ARFIP1: variants seen among roughly 807,000 people sequenced by gnomAD.
ARFIP1 encodes the protein ARF interacting protein 1.
Under a neutral mutation model 42.5 loss-of-function variants are expected in ARFIP1, and 24 were observed. The ratio of observed to expected loss-of-function variants is 0.57; its 90% CI spans 0.41 to 0.80. The LOEUF (loss-of-function observed/expected upper bound fraction) is 0.80, where lower values mean the gene tolerates loss of function less well. ARFIP1 is among the 30% of genes least tolerant of loss of function. The pLI is 0.00. For synonymous variants in ARFIP1, 141 were observed against 153.7 expected (o/e 0.92, Z 0.61); for missense variants, 354 against 434.0 (o/e 0.82, Z 1.64).
chr4:152,804,845 A>G (rs939434196), intron 1 of ARFIP1, among the ~76,000 whole-genome samples: 60 of 152,156 alleles, frequency 3.9e-4, no homozygotes, highest in African/African-American at 1.4e-3. Flanking sequence ...GTACTCATTA[A>G]ATGCTAGCTC....
intron 1 of ARFIP1, among the ~76,000 whole-genome samples, chr4:152,780,637 G>C (rs1730432092): frequency 6.6e-6 from 1 of 152,144 alleles, no homozygotes; most frequent in African/African-American, 2.4e-5. Context: ...TCCCGCAGTG[G>C]GAGGAAGGGA....
intron 2 of ARFIP1, among the ~76,000 whole-genome samples, chr4:152,845,901 A>G (rs1359255863): frequency 1.3e-5 from 2 of 152,258 alleles, no homozygotes; most frequent in Non-Finnish European, 2.9e-5. Flanking sequence ...TTGTATGTTC[A>G]TCAGAGTGCT....
At chr4:152,908,891 AGTGTGTGT>A (rs58362465) in intron 8 of ARFIP1, among the ~76,000 whole-genome samples, 3,058 of 132,440 alleles carry the variant, frequency 0.023, 39 homozygotes, top group East Asian at 0.04. Context: ...GCTAGAGAGA[AGTGTGTGT>A]GTGTGTGTGT....
intron 8 of ARFIP1, among the ~76,000 whole-genome samples, chr4:152,902,542 A>G (rs56352091): frequency 0.47 from 71,121 of 151,842 alleles, 18,799 homozygotes; most frequent in Non-Finnish European, 0.61. Context: ...CAGAGTAGAT[A>G]TAAGGGTAAT....
intron 3 of ARFIP1, 148 bp downstream of exon 3, chr4:152,863,862 T>C (rs1734097662): frequency 1.9e-6 from 1 of 524,888 alleles, no homozygotes; most frequent in African/African-American, 1.9e-5. Context: ...TTCTCTTCAA[T>C]TTAAGTAATA....
At chr4:152,796,074 A>C in intron 1 of ARFIP1, 1 of 735,284 alleles carries the variant, frequency 1.4e-6, no homozygotes, top group Non-Finnish European at 2.6e-6. Flanking sequence ...CAAACCAGTA[A>C]GACTGCATTT....
In ARFIP1 at chr4:152,870,820, G is replaced by A; in HGVS notation, c.270G>A (p.Gln90=). ...GGGTTGCAGCTAGTCGACTGGCTCA[G>A]CAAGGAAGTGATTTAATTGTTCCTG... ...PSRVAASRLA[Q]QGSDLIVPAG... is the part of the protein sequence containing the mutation. The change falls in exon 4 of 9, where the codon CAG becomes CAA. Residue 90 remains glutamine (Q), a synonymous_variant. Coordinates refer to ENST00000353617, the MANE Select transcript of ARFIP1 (RefSeq NM_001025595.3). 6.2e-7 allele frequency: 1 copy of A among 1,613,950 alleles called. No homozygotes were observed. Among genetic ancestry groups the A allele is most frequent in the Non-Finnish European group, 8.5e-7 (1 of 1,179,854 alleles).
At chr4:152,819,311 A>G (rs751056557) in intron 1 of ARFIP1, among the ~76,000 whole-genome samples, 1 of 152,130 alleles carries the variant, frequency 6.6e-6, no homozygotes. Context: ...CACCCTGGCT[A>G]ACTAGAAGGC....
intron 4 of ARFIP1, 32 bp from the exon 5 acceptor site, chr4:152,872,420 G>T (rs1365078379): frequency 9.3e-6 from 13 of 1,396,418 alleles, no homozygotes; most frequent in Non-Finnish European, 1.3e-5. Flanking sequence ...GTCTTCATCT[G>T]GATTGTGTTT....
intron 8 of ARFIP1, among the ~76,000 whole-genome samples, chr4:152,890,097 A>G (rs1736720522): frequency 6.6e-6 from 1 of 151,636 alleles, no homozygotes; most frequent in African/African-American, 2.4e-5. Context: ...CAATAATACT[A>G]AAAGAGGTAT....
chr4:152,874,213 A>G (rs1735132730), intron 5 of ARFIP1, among the ~76,000 whole-genome samples: 1 of 152,226 alleles, frequency 6.6e-6, no homozygotes, highest in Non-Finnish European at 1.5e-5. Flanking sequence ...TTAAGATTCC[A>G]TATTTATCTC....
rs76205059 is a variant in ARFIP1 at position 152,832,807 on chromosome 4, A to T, written c.93+3081A>T. ...CTCTCATGTAAATATTCAATTGATC[A>T]GCACTGTTTTTTGAAAAGACTCTTC... On this transcript the variant is annotated intron_variant, in intron 2 of 8. Coordinates refer to ENST00000353617, the MANE Select transcript of ARFIP1 (RefSeq NM_001025595.3). Among the ~76,000 whole-genome samples, 6 of 152,338 alleles carry T rather than the reference A, an allele frequency of 3.9e-5. No individual in the cohort carries two copies. In the East Asian group the frequency reaches 1.2e-3, roughly 29 times the overall value.
chr4:152,844,607 G>A (rs1732389709), intron 2 of ARFIP1, among the ~76,000 whole-genome samples: 1 of 151,686 alleles, frequency 6.6e-6, no homozygotes, highest in Non-Finnish European at 1.5e-5. Flanking sequence ...CAGTGGGCAA[G>A]CCTCCATAGA....
At chr4:152,863,077 A>G (rs1239482439) in intron 2 of ARFIP1, among the ~76,000 whole-genome samples, 1 of 152,196 alleles carries the variant, frequency 6.6e-6, no homozygotes, top group Non-Finnish European at 1.5e-5. Flanking sequence ...ATTTGCAGTT[A>G]GGTTAACTAT....
chr4:152,873,732 T>C (rs1735088585), intron 5 of ARFIP1, among the ~76,000 whole-genome samples: 1 of 152,216 alleles, frequency 6.6e-6, no homozygotes, highest in South Asian at 2.1e-4. Flanking sequence ...CTCTCTCACA[T>C]TACTGTAACA....
intron 2 of ARFIP1, among the ~76,000 whole-genome samples, chr4:152,840,779 C>G (rs958804215): frequency 5.0e-5 from 7 of 139,320 alleles, no homozygotes; most frequent in Non-Finnish European, 7.5e-5. Context: ...AGTGCAATGG[C>G]GCAATCTCGG....
chr4:152,876,788 C>T (rs1490810074), intron 5 of ARFIP1, among the ~76,000 whole-genome samples: 1 of 152,218 alleles, frequency 6.6e-6, no homozygotes, highest in Admixed American at 6.5e-5. Flanking sequence ...TGTATGCAGC[C>T]TAGGGACTTA....
chr4:152,780,428 C>T (rs1281649387), intron 1 of ARFIP1, among the ~76,000 whole-genome samples: 2 of 152,166 alleles, frequency 1.3e-5, no homozygotes, highest in African/African-American at 4.8e-5. Context: ...GAGTGTGCCC[C>T]CGAAACAGTC....
chr4:152,883,690 A>C (rs62319946), intron 7 of ARFIP1, among the ~76,000 whole-genome samples: 4,068 of 151,112 alleles, frequency 0.027, 99 homozygotes, highest in South Asian at 0.11. Flanking sequence ...CAAAATATAT[A>C]TTAATAAATA....
Sources: allele counts gnomAD v4.1 joint callset (sites outside exome capture counted in the v4.1 genomes callset), GRCh38; gene constraint gnomAD v4.1.1; transcripts MANE v1.5; gene names NCBI Gene and HGNC (gene_info 2026-07-23, HGNC 2026-07-21).